Variants in ACOX2 observed in about 807,000 individuals in gnomAD.
ACOX2 encodes peroxisomal acyl-coenzyme A oxidase 2.
ACOX2 carries 59 observed loss-of-function variants against 77.5 expected under a neutral mutation model. That is an observed-to-expected ratio of 0.76 (90% CI 0.62 to 0.95). ACOX2 has a LOEUF of 0.95. ACOX2 is among the 40% of genes least tolerant of loss of function. ACOX2 has a pLI of 0.00. For missense variants in ACOX2, 837 were observed against 880.4 expected, an observed-to-expected ratio of 0.95 and a Z score of 0.62; for synonymous variants, 317 against 340.1, an observed-to-expected ratio of 0.93 and a Z score of 0.75.
Position 58,523,249 on chromosome 3 carries a change from T to C in ACOX2, c.1527-648A>G, listed in dbSNP as rs1252207770. Among the ~76,000 whole-genome samples the C allele has an allele frequency of 3.9e-5, 6 of 152,228 alleles. No homozygotes were observed. The highest frequency in any genetic ancestry group is 1.4e-4 in the African/African-American group (6 of 41,444). On this transcript the variant is annotated intron_variant, in intron 11 of 14. Coordinates refer to ENST00000302819, the MANE Select transcript of ACOX2 (RefSeq NM_003500.4). This position sits in a 1 kb window ranked among gnomAD's most constrained non-coding sequence, Gnocchi z 5.3. Reference sequence around the variant, plus strand: ...ATATGTTTTTTGCTTTGTCAGGGAATAGATAAGCAGATGTCACACTGAGTT... The same window carrying C: ...ATATGTTTTTTGCTTTGTCAGGGAACAGATAAGCAGATGTCACACTGAGTT...
rs987597768 is a variant in ACOX2 at position 58,526,337 on chromosome 3, G to T, written c.1346+129C>A. On this transcript the variant is annotated intron_variant, in intron 10 of 14. Transcript: ENST00000302819. This position sits in a 1 kb window ranked among gnomAD's most constrained non-coding sequence, Gnocchi z 4.3. ...GATAGGTTAGTCATACTGGGGAATT[G>T]GACAGCTCCCAAATAGCACTTCGCA... 7.3e-6 allele frequency: 8 copies of T among 1,088,446 alleles called. No homozygotes were observed. Among genetic ancestry groups the T allele is most frequent in the Admixed American group, 2.8e-5 (1 of 35,154 alleles). The allele number at this position is 1,088,446 out of a possible 1,614,324, so 67.4% of individuals were successfully genotyped here.
intron 13 of ACOX2, among the ~76,000 whole-genome samples, chr3:58,513,228 G>T (rs1282625971): frequency 6.6e-6 from 1 of 152,074 alleles, no homozygotes; most frequent in Non-Finnish European, 1.5e-5. Flanking sequence ...TTTTGTGCAT[G>T]TGTGTGCCTG....
Position 58,522,709 on chromosome 3 carries a change from C to T in ACOX2, c.1527-108G>A, listed in dbSNP as rs2063367428. 1 of 922,530 alleles carries T rather than the reference C, an allele frequency of 1.1e-6. No homozygotes were observed. Among genetic ancestry groups the T allele is most frequent in the African/African-American group, 1.6e-5 (1 of 60,970 alleles). The allele number at this position is 922,530 out of a possible 1,614,324, so 57.1% of individuals were successfully genotyped here. On this transcript the variant is annotated intron_variant, in intron 11 of 14. Transcript: ENST00000302819. The surrounding 1 kb of genome is among the most constrained non-coding windows in gnomAD (Gnocchi z 4.3). ...AGAAATAATGCCTGTTTATTGACCACTTATGTGCCATAAAGCTAAATGATT... is the reference window on the plus strand; with the variant it reads ...AGAAATAATGCCTGTTTATTGACCATTTATGTGCCATAAAGCTAAATGATT...
In ACOX2 at chr3:58,531,908, A is replaced by T. The variant is rs2063443337; in HGVS notation, c.584-96T>A. 4 of 1,444,182 alleles carry T rather than the reference A, an allele frequency of 2.8e-6. No individual in the cohort carries two copies. In the South Asian group the frequency reaches 5.9e-5, roughly 21 times the overall value. 89.5% of individuals were successfully genotyped at this position (1,444,182 alleles called of 1,614,324 possible). On this transcript the variant is annotated intron_variant, in intron 5 of 14. Transcript: ENST00000302819. This position sits in a 1 kb window ranked among gnomAD's most constrained non-coding sequence, Gnocchi z 5.8. ...CCTGGGGCTGGGGTTTTGGATGGGT[A>T]CCTCTGGGGCCCTGAAAAGTCACTG...
Position 58,535,735 on chromosome 3 carries a change from C to G in ACOX2, c.-91-538G>C, listed in dbSNP as rs1411363562. Among the ~76,000 whole-genome samples the G allele has an allele frequency of 6.6e-5, 10 of 152,174 alleles. No individual in the cohort carries two copies. The highest frequency in any genetic ancestry group is 1.5e-4 in the Non-Finnish European group (10 of 68,026). On this transcript the variant is annotated intron_variant, in intron 1 of 14. Coordinates refer to ENST00000302819, the MANE Select transcript of ACOX2 (RefSeq NM_003500.4). This position sits in a 1 kb window ranked among gnomAD's most constrained non-coding sequence, Gnocchi z 4.8. ...TGTGGAACTGAAGGGAGGAAGCCTT[C>G]TTCCTGCCTGTGAAGTGTTCCCCTG...
chr3:58,529,096 A>T, intron 8 of ACOX2, 140 bp from the exon 9 acceptor site: 1 of 792,598 alleles, frequency 1.3e-6, no homozygotes, highest in Non-Finnish European at 1.9e-6. Flanking sequence ...GGCCATTGAT[A>T]ATCCTTTAAA....
Position 58,525,323 on chromosome 3 carries a change from T to G in ACOX2, c.1347-718A>C, listed in dbSNP as rs1480952099. Among the ~76,000 whole-genome samples the G allele has an allele frequency of 6.6e-6, 1 of 152,248 alleles. No homozygotes were observed. The highest frequency in any genetic ancestry group is 2.4e-5 in the African/African-American group (1 of 41,464). ...TTTAAAAATATAATAAATGTTGTTTTTCATATTTGCCAGTGAACTTCTTTC... is the reference window on the plus strand; with the variant it reads ...TTTAAAAATATAATAAATGTTGTTTGTCATATTTGCCAGTGAACTTCTTTC... On this transcript the variant is annotated intron_variant, in intron 10 of 14. Coordinates refer to ENST00000302819, the MANE Select transcript of ACOX2 (RefSeq NM_003500.4). The surrounding 1 kb of genome is among the most constrained non-coding windows in gnomAD (Gnocchi z 5.0).
Position 58,528,798 on chromosome 3 carries a change from G to T in ACOX2, c.1151C>A (p.Pro384His). 3 of 1,607,968 alleles carry T rather than the reference G, an allele frequency of 1.9e-6. No homozygotes were observed. The highest frequency in any genetic ancestry group is 2.5e-6 in the Non-Finnish European group (3 of 1,177,010). The change falls in exon 9 of 15, where the codon CCT (proline) becomes CAT (histidine). Residue 384 changes from proline (P) to histidine (H), a missense_variant. Pro to His is a moderately conservative substitution (Grantham distance 77). Coordinates refer to ENST00000302819, the MANE Select transcript of ACOX2 (RefSeq NM_003500.4). This position sits in a 1 kb window ranked among gnomAD's most constrained non-coding sequence, Gnocchi z 5.6. ...AILNQDFSFLPELHALSTGMK... is the reference protein window; with the variant it reads ...AILNQDFSFLHELHALSTGMK... ...CCCTCCGCAGACAGCAGGTACCTCA[G>T]GCAGGAAGCTGAAGTCTTGGTTCAG...
rs750569679 is a variant in ACOX2 at position 58,534,646 on chromosome 3, T to A, written c.161-124A>T. 9 of 1,562,954 alleles carry A rather than the reference T, an allele frequency of 5.8e-6. No individual in the cohort carries two copies. Among genetic ancestry groups the A allele is most frequent in the Admixed American group, 1.9e-5 (1 of 53,144 alleles). On this transcript the variant is annotated intron_variant, in intron 2 of 14. Transcript: ENST00000302819. This position sits in a 1 kb window ranked among gnomAD's most constrained non-coding sequence, Gnocchi z 4.8. ...TCAGACATTATTGTTATTTTACAGA[T>A]GACAAAACTGAGGACCAAGGTGGGA...
chr3:58,509,227 T>TG (rs1357432046), intron 13 of ACOX2, among the ~76,000 whole-genome samples: 2 of 147,804 alleles, frequency 1.4e-5, no homozygotes, highest in Admixed American at 1.4e-4. Flanking sequence ...TAAGGCTTGT[T>TG]TAAAAAAACA....
In ACOX2 at chr3:58,525,687, G is replaced by A. The variant is rs529744536; in HGVS notation, c.1346+779C>T. ...CATGTTGGGTGGGAGGGGATCAAAT[G>A]CAAAGGCCTCCTGGACAGAAAGAAG... On this transcript the variant is annotated intron_variant, in intron 10 of 14. Coordinates refer to ENST00000302819, the MANE Select transcript of ACOX2 (RefSeq NM_003500.4). The surrounding 1 kb of genome is among the most constrained non-coding windows in gnomAD (Gnocchi z 5.0). Among the ~76,000 whole-genome samples the A allele has an allele frequency of 2.0e-5, 3 of 152,328 alleles. No homozygotes were observed. The highest frequency in any genetic ancestry group is 1.3e-4 in the Admixed American group (2 of 15,308).
intron 5 of ACOX2, among the ~76,000 whole-genome samples, chr3:58,532,466 G>A (rs7646603): frequency 0.19 from 28,430 of 151,678 alleles, 4,324 homozygotes; most frequent in African/African-American, 0.42. Flanking sequence ...GCTCATTGCA[G>A]CCTCTGCCTC....
Position 58,531,866 on chromosome 3 carries a change from C to T in ACOX2, c.584-54G>A, listed in dbSNP as rs988377278. 1.9e-5 allele frequency: 29 copies of T among 1,555,560 alleles called. No homozygotes were observed. Among genetic ancestry groups the T allele is most frequent in the Admixed American group, 5.7e-5 (3 of 52,800 alleles). ...ACAGGAAGACCTGTGCATTGCTTTT[C>T]CCAACCAACCCAGCCTCCTGGGGCT... On this transcript the variant is annotated intron_variant, in intron 5 of 14. Coordinates refer to ENST00000302819, the MANE Select transcript of ACOX2 (RefSeq NM_003500.4). The surrounding 1 kb of genome is among the most constrained non-coding windows in gnomAD (Gnocchi z 5.8).
In ACOX2 at chr3:58,522,856, C is replaced by G. The variant is rs2063368461; in HGVS notation, c.1527-255G>C. 2.4e-6 allele frequency: 1 copy of G among 425,292 alleles called. No homozygotes were observed. Among genetic ancestry groups the G allele is most frequent in the Admixed American group, 3.5e-5 (1 of 28,884 alleles). The allele number at this position is 425,292 out of a possible 1,614,324, so 26.3% of individuals were successfully genotyped here. ...GTCACACAGCTAGTAAGGAGTGGAG[C>G]CAGGATTTTGACTTGTTGTTAATCG... On this transcript the variant is annotated intron_variant, in intron 11 of 14. Transcript: ENST00000302819. This position sits in a 1 kb window ranked among gnomAD's most constrained non-coding sequence, Gnocchi z 4.3.
Position 58,534,186 on chromosome 3 carries a change from A to C in ACOX2, c.324-41T>G. On this transcript the variant is annotated intron_variant, in intron 3 of 14. Transcript: ENST00000302819. This position sits in a 1 kb window ranked among gnomAD's most constrained non-coding sequence, Gnocchi z 4.8. Reference sequence around the variant, plus strand: ...GCTGTAGTTGAGTAGCTTATTGGAGACAGGGGCCCAGGTACCCCCTGCCTG... The same window carrying C: ...GCTGTAGTTGAGTAGCTTATTGGAGCCAGGGGCCCAGGTACCCCCTGCCTG... The C allele has an allele frequency of 1.9e-6, 3 of 1,610,528 alleles. No individual in the cohort carries two copies. The highest frequency in any genetic ancestry group is 2.5e-6 in the Non-Finnish European group (3 of 1,178,356).
chr3:58,509,268 C>T (rs1003367149), intron 13 of ACOX2, among the ~76,000 whole-genome samples: 3 of 152,070 alleles, frequency 2.0e-5, no homozygotes, highest in African/African-American at 7.2e-5. Flanking sequence ...TGGCTCACGC[C>T]TGTAATCCCG....
intron 14 of ACOX2, among the ~76,000 whole-genome samples, chr3:58,507,092 G>A (rs2063240080): frequency 6.6e-6 from 1 of 152,176 alleles, no homozygotes; most frequent in Non-Finnish European, 1.5e-5. Context: ...ATTATCATGC[G>A]TGAAAGATCC....
rs1302224393 is a variant in ACOX2 at position 58,510,834 on chromosome 3, A to G, written c.1851-1809T>C. 1.3e-4 allele frequency: 47 copies of G among 370,748 alleles called. 1 individual carries two copies. In the Admixed American group the frequency reaches 1.3e-3, roughly 10 times the overall value. 23.0% of individuals were successfully genotyped at this position (370,748 alleles called of 1,614,324 possible). On this transcript the variant is annotated intron_variant, in intron 13 of 14. Transcript: ENST00000302819. The stretch of plus-strand genomic sequence containing the variant: ...ACCCACTTTGTGCCACCACCTTTGT[A>G]ACTATACATGGCTGGAAAAAACAAT...
intron 7 of ACOX2, 113 bp from the exon 8 acceptor site, chr3:58,530,751 G>C: frequency 7.8e-7 from 1 of 1,290,198 alleles, no homozygotes; most frequent in Non-Finnish European, 1.1e-6. Context: ...CTCAACCGGC[G>C]CATCTGGAGT....
Sources: allele counts gnomAD v4.1 joint callset (sites outside exome capture counted in the v4.1 genomes callset), GRCh38; gene constraint gnomAD v4.1.1; non-coding constraint Gnocchi (gnomAD v3.1); transcripts MANE v1.5; gene names NCBI Gene and HGNC (gene_info 2026-07-23, HGNC 2026-07-21).